PHACTR2: variants seen among roughly 807,000 people sequenced by gnomAD.
PHACTR2 encodes the protein phosphatase and actin regulator 2.
In PHACTR2, 30 loss-of-function variants were observed where a neutral mutation model predicts 76.0. The observed-to-expected ratio is 0.39, with a 90% confidence interval of 0.30 to 0.54. PHACTR2 has a LOEUF of 0.54. Among genes scored for constraint, PHACTR2 ranks in the 20% least tolerant of loss-of-function variants. The probability of loss-of-function intolerance (pLI) is 0.61; values close to 1 mark genes in which losing one functional copy is unlikely to be tolerated. For missense variants in PHACTR2, 696 were observed against 781.1 expected, an observed-to-expected ratio of 0.89 and a Z score of 1.30; for synonymous variants, 292 against 292.5, an observed-to-expected ratio of 1.00 and a Z score of 0.02.
chr6:143,781,479 A>G (rs991991250), intron 9 of PHACTR2, among the ~76,000 whole-genome samples: 2 of 152,216 alleles, frequency 1.3e-5, no homozygotes, highest in African/African-American at 2.4e-5. Flanking sequence ...TAAATACTGT[A>G]TAGGAAGAAT....
In PHACTR2 at chr6:143,827,916, G is replaced by A. The variant is rs1021983922; in HGVS notation, c.*4227G>A. 1.3e-4 allele frequency: 20 copies of A among 152,144 alleles called. No individual in the cohort carries two copies. Among genetic ancestry groups the A allele is most frequent in the African/African-American group, 4.8e-4 (20 of 41,394 alleles). 9.4% of individuals were successfully genotyped at this position (152,144 alleles called of 1,614,324 possible). A position where few individuals can be genotyped will look rare whatever the true frequency, so the allele number is the denominator to read the frequency against. ...CCAGCACTTTGGGAGGCCAAGGTGGGTGGATCAGTTGAGGTCAGGAGTTCG... is the reference window on the plus strand; with the variant it reads ...CCAGCACTTTGGGAGGCCAAGGTGGATGGATCAGTTGAGGTCAGGAGTTCG... On this transcript the variant is annotated 3_prime_UTR_variant, in exon 13 of 13. Coordinates refer to ENST00000440869, the MANE Select transcript of PHACTR2 (RefSeq NM_001100164.2).
Position 143,602,593 on chromosome 6 carries a change from T to G in PHACTR2, c.217+65386T>G, listed in dbSNP as rs1775824705. 6.6e-6 allele frequency among the ~76,000 whole-genome samples: 1 copy of G among 152,236 alleles called. No individual in the cohort carries two copies. The highest frequency in any genetic ancestry group is 1.9e-4 in the East Asian group (1 of 5,204). ...TCACCCACAGCCTTCAGCTTTTGGCTCCCTGCTCATTCATCGAAATGGTCA... is the reference window on the plus strand; with the variant it reads ...TCACCCACAGCCTTCAGCTTTTGGCGCCCTGCTCATTCATCGAAATGGTCA... On this transcript the variant is annotated intron_variant, in intron 1 of 11. Transcript: ENST00000367584. The surrounding 1 kb of genome is among the most constrained non-coding windows in gnomAD (Gnocchi z 6.1).
Position 143,733,842 on chromosome 6 carries a change from G to A in PHACTR2, c.215-15143G>A, listed in dbSNP as rs1233453699. Reference sequence around the variant, plus strand: ...AACAAAACCTAATGAGACCAAATGAGTGCTAGAAATTCTGTGGGCAAGAGA... The same window carrying A: ...AACAAAACCTAATGAGACCAAATGAATGCTAGAAATTCTGTGGGCAAGAGA... On this transcript the variant is annotated intron_variant, in intron 2 of 12. Coordinates refer to ENST00000440869, the MANE Select transcript of PHACTR2 (RefSeq NM_001100164.2). This position sits in a 1 kb window ranked among gnomAD's most constrained non-coding sequence, Gnocchi z 4.0. 6.6e-6 allele frequency among the ~76,000 whole-genome samples: 1 copy of A among 152,174 alleles called. No individual in the cohort carries two copies. The highest frequency in any genetic ancestry group is 1.5e-5 in the Non-Finnish European group (1 of 68,038).
rs769830710 is a variant in PHACTR2, at chr6:143,712,040, T to C, written c.71T>C (p.Ile24Thr). Residue 24 changes from isoleucine to threonine, a missense_variant, in exon 2 of 13, where the codon ATA becomes ACA. Transcript: ENST00000440869. ...GTTGACGGACTGGACAAAGCTTCTA[T>C]AGCAAACTCAGATGGCCCCACAGCA... The part of the protein sequence containing the change: ...GSVDGLDKAS[I>T]ANSDGPTAGS... 3.1e-6 allele frequency: 5 copies of C among 1,590,168 alleles called. No individual in the cohort carries two copies. The Admixed American group carries it at 5.4e-5, about 17-fold the overall frequency.
rs1776526010 is a variant in PHACTR2, at chr6:143,639,400, T to A, written c.13+31078T>A. Among the ~76,000 whole-genome samples the A allele has an allele frequency of 6.6e-6, 1 of 152,256 alleles. No homozygotes were observed. The highest frequency in any genetic ancestry group is 2.1e-4 in the South Asian group (1 of 4,830). ...TTGCTCAAAACATTTCAAAAATTAC[T>A]AAGTGAAAGCATATTCAGAGCCATT... On this transcript the variant is annotated intron_variant, in intron 1 of 11. Coordinates refer to the PHACTR2 transcript ENST00000305766. The surrounding 1 kb of genome is among the most constrained non-coding windows in gnomAD (Gnocchi z 5.0).
At chr6:143,741,960 C>T (rs1466436354) in intron 2 of PHACTR2, among the ~76,000 whole-genome samples, 1 of 152,014 alleles carries the variant, frequency 6.6e-6, no homozygotes, top group Non-Finnish European at 1.5e-5. Flanking sequence ...AAAAAATTAG[C>T]TGGGCATGGT....
chr6:143,794,194 G>A lies in PHACTR2; in HGVS notation c.1845+5284G>A, dbSNP rs1775777969. Among the ~76,000 whole-genome samples the A allele has an allele frequency of 6.6e-6, 1 of 151,656 alleles. No individual in the cohort carries two copies. Among genetic ancestry groups the A allele is most frequent in the East Asian group, 1.9e-4 (1 of 5,188 alleles). Reference sequence around the variant, plus strand: ...TGTGATGAAATAGTACAATATTATTGCCCAAAGATCCTAAGACTATCAATG... The same window carrying A: ...TGTGATGAAATAGTACAATATTATTACCCAAAGATCCTAAGACTATCAATG... On this transcript the variant is annotated intron_variant, in intron 11 of 12. Coordinates refer to ENST00000440869, the MANE Select transcript of PHACTR2 (RefSeq NM_001100164.2). The surrounding 1 kb of genome is among the most constrained non-coding windows in gnomAD (Gnocchi z 4.1).
In PHACTR2 at chr6:143,557,579, G is replaced by A. The variant is rs185564256; in HGVS notation, c.217+20372G>A. ...TCACCACACAGGGTCTCGATTTTTC[G>A]AGAACTGACCGGACCATGTGGACCT... is the stretch of plus-strand genomic sequence containing the variant. On this transcript the variant is annotated intron_variant, in intron 1 of 11. Coordinates refer to the PHACTR2 transcript ENST00000367584. The surrounding 1 kb of genome is among the most constrained non-coding windows in gnomAD (Gnocchi z 5.5). 3 of 152,182 alleles carry A rather than the reference G, an allele frequency of 2.0e-5. No homozygotes were observed. The highest frequency in any genetic ancestry group is 4.8e-5 in the African/African-American group (2 of 41,426). The allele number at this position is 152,182 out of a possible 1,614,324, so 9.4% of individuals were successfully genotyped here. A position where few individuals can be genotyped will look rare whatever the true frequency, so the allele number is the denominator to read the frequency against.
In PHACTR2 at chr6:143,641,272, G is replaced by T. The variant is rs1027156662; in HGVS notation, c.13+32950G>T. 8.5e-5 allele frequency among the ~76,000 whole-genome samples: 13 copies of T among 152,304 alleles called. No individual in the cohort carries two copies. Among genetic ancestry groups the T allele is most frequent in the Non-Finnish European group, 1.5e-4 (10 of 68,006 alleles). ...AATGGCAATGAAGTTTCAACATGAA[G>T]TTTTTAGAGGACAAACATTCAAACC... On this transcript the variant is annotated intron_variant, in intron 1 of 11. Transcript: ENST00000305766. The surrounding 1 kb of genome is among the most constrained non-coding windows in gnomAD (Gnocchi z 5.8).
At chr6:143,674,214 A>G (rs188512378), upstream of PHACTR2, among the ~76,000 whole-genome samples, 1 of 152,288 alleles carries the variant, frequency 6.6e-6, no homozygotes, top group East Asian at 1.9e-4. This position sits in a 1 kb window ranked among gnomAD's most constrained non-coding sequence, Gnocchi z 4.9. Context: ...ATTATCTAGT[A>G]AAGCTCCCAT....
At chr6:143,768,671 A>G (rs1392750370) in intron 6 of PHACTR2, among the ~76,000 whole-genome samples, 4 of 152,218 alleles carry the variant, frequency 2.6e-5, no homozygotes, top group African/African-American at 9.6e-5. Context: ...CATCTCAAGT[A>G]TATGAAGAAC....
intron 1 of PHACTR2, among the ~76,000 whole-genome samples, chr6:143,551,608 G>A (rs897256369): frequency 7.2e-5 from 11 of 152,150 alleles, no homozygotes; most frequent in African/African-American, 2.4e-4. Context: ...GAGACCTTGG[G>A]AACTATTGCT....
intron 2 of PHACTR2, among the ~76,000 whole-genome samples, chr6:143,716,667 G>C (rs979860706): frequency 1.3e-5 from 2 of 152,168 alleles, no homozygotes; most frequent in African/African-American, 4.8e-5. Flanking sequence ...TAAAGAACAA[G>C]GGAATAGAGC....
Position 143,541,214 on chromosome 6 carries a change from A to G in PHACTR2, c.217+4007A>G, listed in dbSNP as rs960503626. The stretch of plus-strand genomic sequence containing the variant: ...ATGTATTCTCTTAAGTTTTAGACAG[A>G]TCCTGTTCGGTATTAAGGAGCTTTG... On this transcript the variant is annotated intron_variant, in intron 1 of 11. Coordinates refer to the PHACTR2 transcript ENST00000367584. This position sits in a 1 kb window ranked among gnomAD's most constrained non-coding sequence, Gnocchi z 5.3. Among the ~76,000 whole-genome samples, 1 of 152,226 alleles carries G rather than the reference A, an allele frequency of 6.6e-6. No homozygotes were observed. The highest frequency in any genetic ancestry group is 2.4e-5 in the African/African-American group (1 of 41,464).
chr6:143,752,257 T>C (rs2128470375), intron 3 of PHACTR2, among the ~76,000 whole-genome samples: 1 of 152,220 alleles, frequency 6.6e-6, no homozygotes, highest in Middle Eastern at 3.6e-3. Context: ...GATAAATTTA[T>C]ATTTGAGTTA....
chr6:143,595,647 C>A lies in PHACTR2; in HGVS notation c.217+58440C>A, dbSNP rs902196540. Among the ~76,000 whole-genome samples the A allele has an allele frequency of 6.6e-5, 10 of 152,244 alleles. No homozygotes were observed. The highest frequency in any genetic ancestry group is 4.6e-4 in the Admixed American group (7 of 15,296). ...TAGATGACAAATTTAAAATTGTATC[C>A]AAATTTCAAGGGAACAGAGTCCTAC... On this transcript the variant is annotated intron_variant, in intron 1 of 11. Transcript: ENST00000367584. This position sits in a 1 kb window ranked among gnomAD's most constrained non-coding sequence, Gnocchi z 4.2.
rs1775313791 is a variant in PHACTR2, at chr6:143,777,639, A to G, written c.1645+256A>G. ...ATGGTCATGACAATTGTGTTTAAGA[A>G]AGATGAAATATATTCCATGTATTCT... On this transcript the variant is annotated intron_variant, in intron 9 of 12. Transcript: ENST00000440869. The surrounding 1 kb of genome is among the most constrained non-coding windows in gnomAD (Gnocchi z 4.6). Among the ~76,000 whole-genome samples the G allele has an allele frequency of 6.6e-6, 1 of 152,216 alleles. No individual in the cohort carries two copies. Among genetic ancestry groups the G allele is most frequent in the Non-Finnish European group, 1.5e-5 (1 of 68,038 alleles).
At chr6:143,692,580 A>G (rs1216538780) in intron 1 of PHACTR2, among the ~76,000 whole-genome samples, 1 of 152,236 alleles carries the variant, frequency 6.6e-6, no homozygotes, top group Admixed American at 6.5e-5. Flanking sequence ...CTTTTAAAAA[A>G]CTGAATCCCC....
intron 5 of PHACTR2, among the ~76,000 whole-genome samples, chr6:143,763,361 A>C (rs1368458954): frequency 1.3e-5 from 2 of 152,212 alleles, no homozygotes; most frequent in Admixed American, 1.3e-4. Flanking sequence ...TCTGTCTCAA[A>C]AAAAACAAAA....
Sources: allele counts gnomAD v4.1 joint callset (sites outside exome capture counted in the v4.1 genomes callset), GRCh38; gene constraint gnomAD v4.1.1; non-coding constraint Gnocchi (gnomAD v3.1); transcripts MANE v1.5; gene names NCBI Gene and HGNC (gene_info 2026-07-23, HGNC 2026-07-21).